The following SCHIP1 variants were observed in gnomAD, a reference collection of about 807,000 sequenced individuals.
SCHIP1 encodes schwannomin interacting protein 1, also known as schwannomin-interacting protein 1.
SCHIP1 carries 8 observed loss-of-function variants against 29.7 expected under a neutral mutation model. That is an observed-to-expected ratio of 0.27 (90% CI 0.16 to 0.49). The LOEUF is 0.49. SCHIP1 is among the 20% of genes least tolerant of loss of function. The pLI, the probability that SCHIP1 is intolerant of heterozygous loss-of-function variation, is 0.99. For missense variants in SCHIP1, 193 were observed against 294.6 expected (o/e 0.66, Z 2.52); for synonymous variants, 76 against 94.9 (o/e 0.80, Z 1.16).
the SCHIP1 span, among the ~76,000 whole-genome samples, chr3:159,334,048 T>A: frequency 6.6e-6 from 1 of 152,158 alleles, no homozygotes; most frequent in Non-Finnish European, 1.5e-5. Flanking sequence ...TAGTCAAATA[T>A]ATTGCCAAAG....
chr3:159,828,376 C>CATATAT, the SCHIP1 span, among the ~76,000 whole-genome samples: 3 of 75,706 alleles, frequency 4.0e-5, no homozygotes, highest in African/African-American at 1.9e-4. Context: ...TATATATATA[C>CATATAT]ATATATATAT....
chr3:159,757,464 C>T, the SCHIP1 span, among the ~76,000 whole-genome samples: 7 of 152,334 alleles, frequency 4.6e-5, no homozygotes, highest in Non-Finnish European at 8.8e-5. Flanking sequence ...CTTATGGGAG[C>T]TACAAGATGA....
the SCHIP1 span, among the ~76,000 whole-genome samples, chr3:159,603,260 C>T: frequency 5.3e-5 from 8 of 152,314 alleles, no homozygotes; most frequent in South Asian, 4.1e-4. Context: ...AGGTATGCCA[C>T]CCTCCAGGAA....
the SCHIP1 span, among the ~76,000 whole-genome samples, chr3:159,809,538 A>T: frequency 4.6e-5 from 7 of 151,928 alleles, no homozygotes; most frequent in Non-Finnish European, 1.0e-4. Context: ...CTAGTTCTAG[A>T]TCCTTGAGGA....
chr3:159,670,692 C>G, the SCHIP1 span, among the ~76,000 whole-genome samples: 1 of 150,852 alleles, frequency 6.6e-6, no homozygotes, highest in East Asian at 1.9e-4. Flanking sequence ...TTGATGGTAT[C>G]TTAGAATTTT....
chr3:159,638,035 G>A, the SCHIP1 span, among the ~76,000 whole-genome samples: 30 of 152,240 alleles, frequency 2.0e-4, no homozygotes, highest in African/African-American at 7.2e-4. Flanking sequence ...AAATTGAAAA[G>A]CTAACATGAG....
chr3:159,625,522 A>T, the SCHIP1 span, among the ~76,000 whole-genome samples: 2 of 152,040 alleles, frequency 1.3e-5, no homozygotes, highest in Admixed American at 6.6e-5. Flanking sequence ...TAAAATACTA[A>T]ATCTTTTTTC....
At chr3:159,836,830 C>G (rs955499281), upstream of SCHIP1, among the ~76,000 whole-genome samples, 4 of 152,170 alleles carry the variant, frequency 2.6e-5, no homozygotes, top group African/African-American at 4.8e-5. Context: ...GTAAACTATT[C>G]TAGCTTAAGT....
At chr3:159,842,997 C>CTTTTTTTTGTTGTTT (rs1440922016) in intron 1 of SCHIP1, among the ~76,000 whole-genome samples, 1 of 61,742 alleles carries the variant, frequency 1.6e-5, no homozygotes, top group Non-Finnish European at 3.5e-5. Context: ...CCCAATATTT[C>CTTTTTTTTGTTGTTT]TTTCTTTTTT....
the SCHIP1 span, among the ~76,000 whole-genome samples, chr3:159,772,557 T>C: frequency 6.6e-6 from 1 of 152,224 alleles, no homozygotes; most frequent in Non-Finnish European, 1.5e-5. Context: ...TTCCCTGAAG[T>C]GTAGACATTT....
At chr3:159,634,580 C>T in the SCHIP1 span, among the ~76,000 whole-genome samples, 1 of 152,156 alleles carries the variant, frequency 6.6e-6, no homozygotes, top group East Asian at 1.9e-4. Flanking sequence ...TCCCTTAGTG[C>T]CTGTGCTCCA....
chr3:159,828,399 A>ATATATG, the SCHIP1 span, among the ~76,000 whole-genome samples: 2 of 49,656 alleles, frequency 4.0e-5, no homozygotes, highest in African/African-American at 2.1e-4. Flanking sequence ...ATATATACGT[A>ATATATG]TATATATACG....
chr3:159,653,888 C>A, the SCHIP1 span, among the ~76,000 whole-genome samples: 1 of 151,902 alleles, frequency 6.6e-6, no homozygotes, highest in East Asian at 1.9e-4. Context: ...TGATGGATAT[C>A]CCAATTACAC....
At chr3:159,838,815 A>C (rs1159597375), upstream of SCHIP1, among the ~76,000 whole-genome samples, 1 of 150,674 alleles carries the variant, frequency 6.6e-6, no homozygotes, top group Non-Finnish European at 1.5e-5. Context: ...AATGACATGA[A>C]CCCAGGAGGC....
At chr3:159,337,536 T>G in the SCHIP1 span, among the ~76,000 whole-genome samples, 11 of 152,140 alleles carry the variant, frequency 7.2e-5, no homozygotes, top group Non-Finnish European at 1.6e-4. Flanking sequence ...ATCCCAAGCA[T>G]TCTTATACAC....
chr3:159,539,448 G>A, the SCHIP1 span, among the ~76,000 whole-genome samples: 1,601 of 136,310 alleles, frequency 0.012, 219 homozygotes, highest in African/African-American at 0.039. Context: ...GACTTGAGAT[G>A]GAGTTAAGGA....
chr3:159,554,205 C>T, the SCHIP1 span, among the ~76,000 whole-genome samples: 1 of 152,110 alleles, frequency 6.6e-6, no homozygotes, highest in Non-Finnish European at 1.5e-5. Context: ...TAGAATTCAT[C>T]ACATCTACTG....
At chr3:159,343,436 T>G in the SCHIP1 span, among the ~76,000 whole-genome samples, 1 of 152,320 alleles carries the variant, frequency 6.6e-6, no homozygotes, top group African/African-American at 2.4e-5. Context: ...GGAGACCCTG[T>G]TTCAAGTTGC....
At chr3:159,452,156 A>G in the SCHIP1 span, among the ~76,000 whole-genome samples, 1 of 149,338 alleles carries the variant, frequency 6.7e-6, no homozygotes. Flanking sequence ...TTTTTTTTTA[A>G]GTTCTGGGAT....
Sources: gnomAD v4.1 joint callset for allele counts (sites outside exome capture counted in the v4.1 genomes callset) on GRCh38, gnomAD v4.1.1 for gene constraint, MANE v1.5 for transcripts, NCBI Gene and HGNC (gene_info 2026-07-23, HGNC 2026-07-21) for gene names.